RIF1: variants seen among roughly 807,000 people sequenced by gnomAD.
The protein encoded by RIF1 is replication timing regulatory factor 1, also known as telomere-associated protein RIF1.
Under a neutral mutation model 247.1 loss-of-function variants are expected in RIF1, and 45 were observed. The ratio of observed to expected loss-of-function variants is 0.18; its 90% CI spans 0.14 to 0.23. The LOEUF (loss-of-function observed/expected upper bound fraction) is 0.23. RIF1 is among the 10% of genes least tolerant of loss of function. RIF1 has a pLI of 1.00. For missense variants in RIF1, 2,967 were observed against 2,862.5 expected, an observed-to-expected ratio of 1.04 and a Z score of -0.83; for synonymous variants, 1,087 against 978.8, an observed-to-expected ratio of 1.11 and a Z score of -2.06.
rs1257433704 is a variant in RIF1, at chr2:151,503,136, T to C, written c.*812T>C. ...GGAATCTTGTTAATTCTACTTATAGTATTTCAAATCTAGTCAAGTCACTGA... is the reference window on the plus strand; with the variant it reads ...GGAATCTTGTTAATTCTACTTATAGCATTTCAAATCTAGTCAAGTCACTGA... On this transcript the variant is annotated 3_prime_UTR_variant and NMD_transcript_variant, in exon 12 of 14. Transcript: ENST00000454583. The C allele has an allele frequency of 6.7e-6, 4 of 593,256 alleles. No individual in the cohort carries two copies. The East Asian group carries it at 1.1e-4, about 17-fold the overall frequency. 36.7% of individuals were successfully genotyped at this position (593,256 alleles called of 1,614,324 possible). A position where few individuals can be genotyped will look rare whatever the true frequency, so the allele number is the denominator to read the frequency against.
the RIF1 span, chr2:151,534,161 G>A: frequency 7.0e-6 from 9 of 1,291,672 alleles, no homozygotes; most frequent in African/African-American, 1.5e-5. Context: ...GACATCTCAT[G>A]AGAAACTGGG....
At position 151,463,944 on chromosome 2, in the gene RIF1, A is replaced by G. The variant is rs1275231034; in HGVS notation, c.4424A>G (p.Gln1475Arg). 1 of 1,612,042 alleles carries G rather than the reference A, an allele frequency of 6.2e-7. No individual in the cohort carries two copies. The highest frequency in any genetic ancestry group is 8.5e-7 in the Non-Finnish European group (1 of 1,179,476). ...AAACTGATTGCTGAACAAACTCTAC[A>G]GGAGAATTTAATTGAGAAAGGAAGT... is the stretch of plus-strand genomic sequence containing the variant. ...KQKLIAEQTL[Q>R]ENLIEKGSNL... The change falls in exon 30 of 36, where the codon CAG becomes CGG. Residue 1475 changes from glutamine (Q) to arginine (R), a missense_variant. Transcript: ENST00000444746.
At chr2:151,529,844 TG>T in the RIF1 span, among the ~76,000 whole-genome samples, 2 of 152,194 alleles carry the variant, frequency 1.3e-5, no homozygotes, top group East Asian at 3.9e-4. Context: ...ATATAATTTT[TG>T]TTTCTGTGCT....
chr2:151,464,070 G>A lies in RIF1; in HGVS notation c.4550G>A (p.Gly1517Asp), dbSNP rs1419380128. ...DPENIKSEGD[G>D]TQDIVDKSSE... ...GAGAACATTAAGTCTGAGGGGGATG[G>A]TACCCAGGACATTGTAGATAAGTCC... The change falls in exon 30 of 36, where the codon GGT (glycine) becomes GAT (aspartate). Residue 1517 changes from glycine to aspartate, a missense_variant. Gly to Asp is a moderately conservative substitution (Grantham distance 94). Coordinates refer to ENST00000444746, the MANE Select transcript of RIF1 (RefSeq NM_018151.5). 6.2e-7 allele frequency: 1 copy of A among 1,613,062 alleles called. No individual in the cohort carries two copies. The highest frequency in any genetic ancestry group is 8.5e-7 in the Non-Finnish European group (1 of 1,179,804).
In RIF1 at chr2:151,463,928, G is replaced by A; in HGVS notation, c.4408G>A (p.Ala1470Thr). ...DDVLPKQKLI[A>T]EQTLQENLIE... is the part of the protein sequence containing the mutation. ...TGTGTTACCTAAACAAAAACTGATTGCTGAACAAACTCTACAGGAGAATTT... is the reference window on the plus strand; with the variant it reads ...TGTGTTACCTAAACAAAAACTGATTACTGAACAAACTCTACAGGAGAATTT... The change falls in exon 30 of 36, where the codon GCT becomes ACT. Residue 1470 changes from alanine (A) to threonine (T), a missense_variant. Coordinates refer to ENST00000444746, the MANE Select transcript of RIF1 (RefSeq NM_018151.5). The A allele has an allele frequency of 6.2e-7, 1 of 1,613,424 alleles. No individual in the cohort carries two copies. Among genetic ancestry groups the A allele is most frequent in the Non-Finnish European group, 8.5e-7 (1 of 1,179,854 alleles).
At chr2:151,443,989 C>G (rs991464285) in intron 18 of RIF1, among the ~76,000 whole-genome samples, 97 of 152,088 alleles carry the variant, frequency 6.4e-4, no homozygotes, top group African/African-American at 2.3e-3. Context: ...TGGATTCTTT[C>G]AGTAGTTTTA....
Position 151,468,458 on chromosome 2 carries a change from CCTTT to C in RIF1, c.6748-12_6748-9del, listed in dbSNP as rs1295014131. 9.4e-6 allele frequency: 15 copies of C among 1,597,734 alleles called. No individual in the cohort carries two copies. Among genetic ancestry groups the C allele is most frequent in the Non-Finnish European group, 1.2e-5 (14 of 1,166,126 alleles). ...TAGGGTTCTGAGTGTTTTTTTCTCT[CCTTT>C]CTTCTATCTAGCATAATACCACTTC... On this transcript the variant is annotated splice_polypyrimidine_tract_variant and intron_variant, in intron 31 of 35. Transcript: ENST00000444746.
At chr2:151,459,015 G>T in intron 25 of RIF1, 105 bp downstream of exon 25, 7 of 633,370 alleles carry the variant, frequency 1.1e-5, no homozygotes, top group East Asian at 3.0e-5. Flanking sequence ...TGTAACATAG[G>T]CTTTTTCCAC....
intron 9 of RIF1, among the ~76,000 whole-genome samples, chr2:151,431,609 G>A (rs529046238): frequency 5.9e-5 from 9 of 152,260 alleles, no homozygotes; most frequent in Admixed American, 2.0e-4. Context: ...CCAACATGGA[G>A]AAACCCCATC....
chr2:151,513,955 A>T, the RIF1 span, among the ~76,000 whole-genome samples: 1 of 152,350 alleles, frequency 6.6e-6, no homozygotes, highest in African/African-American at 2.4e-5. Context: ...TGCTTAGAAG[A>T]TTAGAGTATA....
In RIF1 at chr2:151,443,526, C is replaced by T. The variant is rs1386790445; in HGVS notation, c.1806-3C>T. On this transcript the variant is annotated splice_region_variant and splice_polypyrimidine_tract_variant and intron_variant, in intron 17 of 35. Transcript: ENST00000444746. The stretch of plus-strand genomic sequence containing the variant: ...GATGCATTTTTTATAATTTTTTGTT[C>T]AGGTTCTTTCTCAGTTTGGAATCAC... The T allele has an allele frequency of 1.9e-6, 3 of 1,547,774 alleles. No individual in the cohort carries two copies. The highest frequency in any genetic ancestry group is 2.3e-5 in the East Asian group (1 of 42,946).
intron 10 of RIF1, among the ~76,000 whole-genome samples, chr2:151,434,864 T>G (rs1690867499): frequency 6.6e-6 from 1 of 152,178 alleles, no homozygotes; most frequent in South Asian, 2.1e-4. Flanking sequence ...GGGTATATTT[T>G]ATATTTTATA....
downstream of RIF1, chr2:151,512,801 T>C (rs201189784): frequency 3.4e-4 from 545 of 1,613,760 alleles, no homozygotes; most frequent in Non-Finnish European, 4.3e-4. Flanking sequence ...GAAGTGAAAT[T>C]GGCTTTCTCC....
chr2:151,479,059 A>C lies in RIF1; in HGVS notation c.*3988A>C, dbSNP rs2049062031. ...GTGGATTCTGATTCAGTAGATCTGC[A>C]TTGGGCCCCGTGAGTCTTTTTAAAC... On this transcript the variant is annotated 3_prime_UTR_variant, in exon 36 of 36. Transcript: ENST00000444746. The C allele has an allele frequency of 6.6e-6, 1 of 152,184 alleles. No homozygotes were observed. The highest frequency in any genetic ancestry group is 1.5e-5 in the Non-Finnish European group (1 of 68,034). The allele number at this position is 152,184 out of a possible 1,614,324, so 9.4% of individuals were successfully genotyped here.
At position 151,446,487 on chromosome 2, in the gene RIF1, C is replaced by G. The variant is rs1180979842; in HGVS notation, c.2156C>G (p.Ala719Gly). The G allele has an allele frequency of 6.2e-7, 1 of 1,613,986 alleles. No individual in the cohort carries two copies. The stretch of plus-strand genomic sequence containing the variant: ...TTATATAGAGCATTTGCTCGTTGTG[C>G]TGCTTTGGTGGCAACAGCAGAAGAG... ...SELYRAFARC[A>G]ALVATAEENL... Residue 719 changes from alanine (A) to glycine (G), a missense_variant, in exon 20 of 36, where the codon GCT becomes GGT. This residue lies in a region of RIF1 where 76 missense variants were observed against 113.3 expected (regional missense o/e 0.67). Coordinates refer to ENST00000444746, the MANE Select transcript of RIF1 (RefSeq NM_018151.5).
intron 6 of RIF1, among the ~76,000 whole-genome samples, chr2:151,418,108 A>G (rs573466864): frequency 1.3e-5 from 2 of 152,358 alleles, no homozygotes; most frequent in Non-Finnish European, 2.9e-5. Flanking sequence ...GTGAAGGTCT[A>G]GGACATTACT....
rs547935443 is a variant in RIF1 at position 151,447,397 on chromosome 2, T to C, written c.2244+822T>C. On this transcript the variant is annotated intron_variant, in intron 20 of 35. Transcript: ENST00000444746. ...GGTATTCTTGCCAATGAAATCCTTA[T>C]TGCATTTATTCCAAAGTAATTATGT... Among the ~76,000 whole-genome samples, 8 of 152,384 alleles carry C rather than the reference T, an allele frequency of 5.2e-5. No homozygotes were observed. In the South Asian group the frequency reaches 6.2e-4, roughly 12 times the overall value.
chr2:151,416,491 C>T, intron 4 of RIF1, 70 bp from the exon 5 acceptor site: 1 of 1,330,680 alleles, frequency 7.5e-7, no homozygotes. Flanking sequence ...ATTGTTTTCT[C>T]TAGTTTTATA....
In RIF1 at chr2:151,436,806, CT is replaced by C. The variant is rs747564662; in HGVS notation, c.1196-8del. 0.1 allele frequency: 111,460 copies of C among 1,062,790 alleles called. 1 individual carries two copies. The highest frequency in any genetic ancestry group is 0.14 in the South Asian group (8,209 of 58,520). The allele number at this position is 1,062,790 out of a possible 1,614,324, so 65.8% of individuals were successfully genotyped here. ...TAAAATGAGCTTGTATGACTTAACT[CT>C]TTTTTTTTTTTTCTTAAAGGTGCTT... On this transcript the variant is annotated intron_variant, in intron 11 of 35. Coordinates refer to ENST00000444746, the MANE Select transcript of RIF1 (RefSeq NM_018151.5).
Sources: allele counts gnomAD v4.1 joint callset (sites outside exome capture counted in the v4.1 genomes callset), GRCh38; gene constraint gnomAD v4.1.1; regional missense constraint gnomAD v4.1.1; transcripts MANE v1.5; gene names NCBI Gene and HGNC (gene_info 2026-07-23, HGNC 2026-07-21).